The following QDPR variants were observed in gnomAD, a reference collection of about 807,000 sequenced individuals.
The protein encoded by QDPR is dihydropteridine reductase.
In QDPR, 23 loss-of-function variants were observed where a neutral mutation model predicts 31.7. The ratio of observed to expected loss-of-function variants is 0.73; its 90% confidence interval spans 0.52 to 1.03. The LOEUF (loss-of-function observed/expected upper bound fraction) is 1.03. Among genes scored for constraint, QDPR ranks in the 50% least tolerant of loss-of-function variants. QDPR has a pLI of 0.00. For missense variants in QDPR, 324 were observed against 323.8 expected (o/e 1.00, Z 0.00); for synonymous variants, 124 against 124.7 (o/e 0.99, Z 0.03).
intron 3 of QDPR, among the ~76,000 whole-genome samples, chr4:17,502,726 GAA>G (rs1718615262): frequency 6.6e-6 from 1 of 152,174 alleles, no homozygotes; most frequent in African/African-American, 2.4e-5. Context: ...AGGGATGACA[GAA>G]TTAGAAAACT....
rs1288941515 is a variant in QDPR, at chr4:17,492,471, G to C, written c.437-131C>G. On this transcript the variant is annotated intron_variant, in intron 4 of 6. Transcript: ENST00000281243. Reference sequence around the variant, plus strand: ...AGCTGCATCTGGCCTCCTCCTTCAGGTCAGACGCCCTCACCAACCCCCATC... The same window carrying C: ...AGCTGCATCTGGCCTCCTCCTTCAGCTCAGACGCCCTCACCAACCCCCATC... 2.2e-5 allele frequency: 17 copies of C among 756,976 alleles called. No homozygotes were observed. The East Asian group carries it at 4.0e-4, about 18-fold the overall frequency. 46.9% of individuals were successfully genotyped at this position (756,976 alleles called of 1,614,324 possible).
At chr4:17,511,905 C>CG in intron 1 of QDPR, 45 bp downstream of exon 1, 1 of 1,581,358 alleles carries the variant, frequency 6.3e-7, no homozygotes, top group Non-Finnish European at 8.6e-7. Context: ...CGAAAGCCCC[C>CG]GGCCACCCCC....
chr4:17,488,012 C>T (rs977471942), intron 6 of QDPR, among the ~76,000 whole-genome samples: 4 of 152,164 alleles, frequency 2.6e-5, no homozygotes, highest in Non-Finnish European at 4.4e-5. Context: ...CCTGTAATCT[C>T]AGCAATTTGG....
At chr4:17,487,315 T>C in intron 6 of QDPR, 79 bp from the exon 7 acceptor site, 2 of 1,024,050 alleles carry the variant, frequency 2.0e-6, no homozygotes, top group South Asian at 2.6e-5. Context: ...AGTGACGGCT[T>C]GTGGGGTGGG....
intron 4 of QDPR, among the ~76,000 whole-genome samples, chr4:17,494,726 T>G (rs1433510355): frequency 6.6e-6 from 1 of 152,226 alleles, no homozygotes; most frequent in East Asian, 1.9e-4. Context: ...GCAACTCTTT[T>G]TCCTCGGACA....
rs185451907 is a variant in QDPR at position 17,510,320 on chromosome 4, G to C, written c.106-957C>G. ...TGCCGGGCAGAGGTTCCCAACAAAA[G>C]AGGTTGTTTGTTGATGATTAACAGG... On this transcript the variant is annotated intron_variant, in intron 1 of 6. Transcript: ENST00000281243. Among the ~76,000 whole-genome samples, 191 of 152,238 alleles carry C rather than the reference G, an allele frequency of 1.3e-3. 1 individual carries two copies. The highest frequency in any genetic ancestry group is 4.2e-3 in the African/African-American group (175 of 41,538).
intron 6 of QDPR, 152 bp downstream of exon 6, chr4:17,490,510 T>C: frequency 1.5e-6 from 1 of 666,356 alleles, no homozygotes; most frequent in Non-Finnish European, 2.8e-6. Context: ...TGAGATTCCG[T>C]CTGATGTGCA....
At chr4:17,508,964 C>G (rs548641504) in intron 2 of QDPR, among the ~76,000 whole-genome samples, 1 of 152,210 alleles carries the variant, frequency 6.6e-6, no homozygotes. Context: ...CAAGATCAGC[C>G]TGGCCAACAT....
At chr4:17,487,298 C>G in intron 6 of QDPR, 62 bp from the exon 7 acceptor site, 1 of 1,310,784 alleles carries the variant, frequency 7.6e-7, no homozygotes, top group South Asian at 1.2e-5. Flanking sequence ...CACATGCTGA[C>G]CTTCACAGTG....
chr4:17,490,342 T>C (rs1718114414), intron 6 of QDPR: 1 of 371,248 alleles, frequency 2.7e-6, no homozygotes, highest in South Asian at 2.1e-5. Context: ...CGTTTAATCC[T>C]AACAAGCATG....
At chr4:17,507,349 A>T (rs1718824750) in intron 2 of QDPR, among the ~76,000 whole-genome samples, 2 of 152,140 alleles carry the variant, frequency 1.3e-5, no homozygotes. Flanking sequence ...TCACATAGTG[A>T]TGTGAAGTTA....
intron 4 of QDPR, among the ~76,000 whole-genome samples, chr4:17,496,435 A>G (rs1044325971): frequency 7.6e-6 from 1 of 131,714 alleles, no homozygotes; most frequent in Non-Finnish European, 1.6e-5. Context: ...TAAGGGCAAA[A>G]CTGTCTCAAA....
chr4:17,496,124 G>T (rs1718342078), intron 4 of QDPR, among the ~76,000 whole-genome samples: 1 of 152,014 alleles, frequency 6.6e-6, no homozygotes, highest in Admixed American at 6.5e-5. Flanking sequence ...TAATCAAATG[G>T]TGGCCACTCA....
chr4:17,504,242 C>T (rs1373136674), intron 3 of QDPR, 137 bp downstream of exon 3: 2 of 752,184 alleles, frequency 2.7e-6, no homozygotes, highest in African/African-American at 1.7e-5. Flanking sequence ...GCATTAATCA[C>T]TCTCTCCCCG....
intron 4 of QDPR, among the ~76,000 whole-genome samples, chr4:17,501,420 T>G (rs1429286060): frequency 6.6e-6 from 1 of 152,188 alleles, no homozygotes; most frequent in Non-Finnish European, 1.5e-5. Context: ...CCATGTTTAT[T>G]AATTAATTAA....
chr4:17,501,558 T>C (rs1718561386), intron 4 of QDPR, among the ~76,000 whole-genome samples, 161 bp downstream of exon 4: 1 of 152,002 alleles, frequency 6.6e-6, no homozygotes, highest in African/African-American at 2.4e-5. Flanking sequence ...AGAACTCTTC[T>C]CCCTAAAATG....
At chr4:17,495,241 A>T (rs2108989339) in intron 4 of QDPR, among the ~76,000 whole-genome samples, 1 of 152,266 alleles carries the variant, frequency 6.6e-6, no homozygotes, top group Non-Finnish European at 1.5e-5. Context: ...CCAACCTGCC[A>T]TCACTCTGCT....
intron 6 of QDPR, among the ~76,000 whole-genome samples, chr4:17,487,504 G>T (rs1169432950): frequency 6.6e-6 from 1 of 151,446 alleles, no homozygotes; most frequent in Non-Finnish European, 1.5e-5. Context: ...ACAAAAATTG[G>T]CCGTGGTAGC....
intron 6 of QDPR, among the ~76,000 whole-genome samples, chr4:17,489,657 C>A (rs919762991): frequency 3.3e-5 from 5 of 152,148 alleles, no homozygotes. Flanking sequence ...AATGACAGCT[C>A]CTCCCTCAGA....
Sources: allele counts gnomAD v4.1 joint callset (sites outside exome capture counted in the v4.1 genomes callset), GRCh38; gene constraint gnomAD v4.1.1; transcripts MANE v1.5; gene names NCBI Gene and HGNC (gene_info 2026-07-23, HGNC 2026-07-21).